Variants in RTKN2 observed in about 807,000 individuals in gnomAD.
The protein encoded by RTKN2 is rhotekin-2.
A neutral mutation model predicts 71.5 loss-of-function variants in RTKN2; 69 were observed. The observed-to-expected ratio is 0.96, with a 90% CI of 0.79 to 1.18. The LOEUF is 1.18. Among genes scored for constraint, RTKN2 ranks in the 50% most tolerant of loss-of-function variants. RTKN2 has a pLI of 0.00. For synonymous variants in RTKN2, 236 were observed against 236.5 expected, an observed-to-expected ratio of 1.00 and a Z score of 0.02; for missense variants, 724 against 719.7, an observed-to-expected ratio of 1.01 and a Z score of -0.07.
Position 62,223,254 on chromosome 10 carries a change from C to T in RTKN2, c.765G>A (p.Leu255=). The stretch of plus-strand genomic sequence containing the variant: ...TGTACTTACCATTTCCATTAATAGA[C>T]AGATTATGGGTCTTGAAACTATCCT... The part of the protein sequence containing the change: ...SAEDSFKTHN[L]SINGNEESSF... Residue 255 remains leucine (L), a synonymous_variant, in exon 7 of 12, where the codon CTG becomes CTA. Coordinates refer to ENST00000373789, the MANE Select transcript of RTKN2 (RefSeq NM_145307.4). 1 of 1,599,482 alleles carries T rather than the reference C, an allele frequency of 6.3e-7. No homozygotes were observed. The highest frequency in any genetic ancestry group is 1.1e-5 in the South Asian group (1 of 90,556).
chr10:62,235,022 A>G (rs1395716856), intron 6 of RTKN2, among the ~76,000 whole-genome samples: 4 of 152,112 alleles, frequency 2.6e-5, no homozygotes, highest in African/African-American at 9.7e-5. Context: ...TAGGAAATAC[A>G]AGGGCCAGAA....
chr10:62,250,113 T>TAGA (rs1339606918), intron 2 of RTKN2, among the ~76,000 whole-genome samples: 2 of 152,222 alleles, frequency 1.3e-5, no homozygotes, highest in African/African-American at 4.8e-5. Context: ...AACCAGCTTG[T>TAGA]AGAAGCCTTG....
At position 62,197,775 on chromosome 10, in the gene RTKN2, T is replaced by C; in HGVS notation, c.*133A>G. 1 of 1,418,096 alleles carries C rather than the reference T, an allele frequency of 7.1e-7. No homozygotes were observed. 87.8% of individuals were successfully genotyped at this position (1,418,096 alleles called of 1,614,324 possible). A position where few individuals can be genotyped will look rare whatever the true frequency, so the allele number is the denominator to read the frequency against. ...ACTTCTTCATTATAAAATGTTTTTC[T>C]ATACCTAATAGCTTATTAATTATTG... On this transcript the variant is annotated 3_prime_UTR_variant, in exon 12 of 12. Coordinates refer to ENST00000373789, the MANE Select transcript of RTKN2 (RefSeq NM_145307.4).
intron 6 of RTKN2, among the ~76,000 whole-genome samples, chr10:62,232,551 C>T (rs1009964839): frequency 1.3e-5 from 2 of 151,972 alleles, no homozygotes; most frequent in African/African-American, 4.8e-5. Context: ...ATTTGCCTGC[C>T]TCGGCCTCCC....
intron 9 of RTKN2, among the ~76,000 whole-genome samples, chr10:62,211,910 C>T (rs991752591): frequency 1.3e-5 from 2 of 152,074 alleles, no homozygotes; most frequent in Admixed American, 6.5e-5. Flanking sequence ...CTGATCCGCC[C>T]GTGCTGACCT....
At chr10:62,257,021 A>G (rs1481961583) in intron 2 of RTKN2, among the ~76,000 whole-genome samples, 1 of 152,146 alleles carries the variant, frequency 6.6e-6, no homozygotes, top group African/African-American at 2.4e-5. Context: ...TTTGCTCATC[A>G]TACACATTAA....
At chr10:62,229,482 T>A (rs1842103850) in intron 6 of RTKN2, among the ~76,000 whole-genome samples, 2 of 152,174 alleles carry the variant, frequency 1.3e-5, no homozygotes, top group Non-Finnish European at 2.9e-5. Context: ...AAGAAAAATA[T>A]CTGAAATGGT....
rs201598483 is a variant in RTKN2 at position 62,262,778 on chromosome 10, C to T, written c.104G>A (p.Arg35Gln). The T allele has an allele frequency of 8.7e-6, 14 of 1,610,988 alleles. No homozygotes were observed. Among genetic ancestry groups the T allele is most frequent in the African/African-American group, 6.7e-5 (5 of 74,808 alleles). The change falls in exon 2 of 12, where the codon CGA (arginine) becomes CAA (glutamine). Residue 35 changes from arginine to glutamine, a missense_variant. Transcript: ENST00000373789. ...QEKIDLEIRM[R>Q]EGIWKLLSLS... ...AGAAAGGAGTTTCCATATTCCTTCT[C>T]GCATTCGAATTTCTAAGTCTATTTT...
intron 2 of RTKN2, among the ~76,000 whole-genome samples, chr10:62,249,600 A>G (rs1417014864): frequency 1.3e-5 from 2 of 152,184 alleles, no homozygotes; most frequent in Non-Finnish European, 2.9e-5. Flanking sequence ...GTTCATTTTG[A>G]TGGAACAGGC....
chr10:62,231,117 A>G (rs1028240377), intron 6 of RTKN2, among the ~76,000 whole-genome samples: 5 of 152,198 alleles, frequency 3.3e-5, no homozygotes, highest in African/African-American at 1.2e-4. Flanking sequence ...AACTTTAATC[A>G]TATTTAAAAT....
chr10:62,217,046 A>G, intron 9 of RTKN2, 72 bp downstream of exon 9: 1 of 1,116,248 alleles, frequency 9.0e-7, no homozygotes, highest in Non-Finnish European at 1.2e-6. Flanking sequence ...AGACAACAAC[A>G]ATGTAAACTG....
At chr10:62,199,192 C>T (rs1038680729) in intron 11 of RTKN2, among the ~76,000 whole-genome samples, 1 of 152,150 alleles carries the variant, frequency 6.6e-6, no homozygotes, top group African/African-American at 2.4e-5. Context: ...TTTAGACTGA[C>T]TTGCACTTGT....
intron 10 of RTKN2, among the ~76,000 whole-genome samples, chr10:62,203,788 G>A (rs761310620): frequency 2.3e-4 from 35 of 152,210 alleles, no homozygotes; most frequent in Non-Finnish European, 4.0e-4. Flanking sequence ...CCTCTAGTTC[G>A]ATGCTGTGAA....
At chr10:62,261,257 T>A (rs1205899099) in intron 2 of RTKN2, among the ~76,000 whole-genome samples, 4 of 152,230 alleles carry the variant, frequency 2.6e-5, no homozygotes, top group African/African-American at 7.2e-5. Flanking sequence ...AGGCATTACA[T>A]TAGGTTTTTG....
chr10:62,249,611 A>T (rs1842542527), intron 2 of RTKN2, among the ~76,000 whole-genome samples: 1 of 152,194 alleles, frequency 6.6e-6, no homozygotes, highest in Non-Finnish European at 1.5e-5. Flanking sequence ...TGGAACAGGC[A>T]GTAGATAGGG....
exon 9 of RTKN2, chr10:62,184,229 T>C (rs1841099323): frequency 2.8e-6 from 2 of 709,972 alleles, no homozygotes; most frequent in Non-Finnish European, 4.4e-6. Context: ...GGAGACGCGT[T>C]GTCTTTTCCC....
intron 6 of RTKN2, among the ~76,000 whole-genome samples, chr10:62,228,654 TTGG>T (rs1842082711): frequency 6.6e-6 from 1 of 152,098 alleles, no homozygotes; most frequent in Admixed American, 6.6e-5. Context: ...CGTACTAAAG[TTGG>T]TGATGTAGGA....
intron 2 of RTKN2, among the ~76,000 whole-genome samples, chr10:62,251,457 T>A (rs10761617): frequency 6.6e-6 from 1 of 151,928 alleles, no homozygotes; most frequent in Non-Finnish European, 1.5e-5. Flanking sequence ...AAGGGTAAGG[T>A]GTCCTGTGAT....
chr10:62,254,462 T>C (rs938520384), intron 2 of RTKN2, among the ~76,000 whole-genome samples: 1 of 152,184 alleles, frequency 6.6e-6, no homozygotes, highest in Non-Finnish European at 1.5e-5. Flanking sequence ...ACCTCTTTTC[T>C]TCTTAAATTA....
Sources: gnomAD v4.1 joint callset for allele counts (sites outside exome capture counted in the v4.1 genomes callset) on GRCh38, gnomAD v4.1.1 for gene constraint, MANE v1.5 for transcripts, NCBI Gene and HGNC (gene_info 2026-07-23, HGNC 2026-07-21) for gene names.